The following RXRA variants were observed in gnomAD, a reference collection of about 807,000 sequenced individuals.
The protein encoded by RXRA is retinoid X receptor alpha, also known as retinoic acid receptor RXR-alpha.
RXRA carries 5 observed loss-of-function variants against 44.5 expected under a neutral mutation model. That is an observed-to-expected ratio of 0.11 (90% confidence interval 0.06 to 0.24). RXRA has a LOEUF of 0.24. Among genes scored for constraint, RXRA ranks in the 10% least tolerant of loss-of-function variants. The pLI, the probability that RXRA is intolerant of heterozygous loss-of-function variation, is 1.00. For synonymous variants in RXRA, 291 were observed against 271.4 expected (o/e 1.07, Z -0.71); for missense variants, 412 against 646.5 (o/e 0.64, Z 3.93).
At chr9:134,429,574 C>T (rs968702974) in intron 7 of RXRA, among the ~76,000 whole-genome samples, 2 of 152,302 alleles carry the variant, frequency 1.3e-5, no homozygotes, top group South Asian at 4.1e-4. Flanking sequence ...AGTGTCAATT[C>T]CAGTTGGCAT....
intron 1 of RXRA, among the ~76,000 whole-genome samples, chr9:134,384,570 A>G (rs1830691736): frequency 6.6e-6 from 1 of 152,100 alleles, no homozygotes; most frequent in South Asian, 2.1e-4. Context: ...TGGGCCCCTC[A>G]GCCGGTGGAG....
chr9:134,422,890 G>T, intron 6 of RXRA: 3 of 985,488 alleles, frequency 3.0e-6, no homozygotes, highest in Non-Finnish European at 3.6e-6. Flanking sequence ...AGAGCCACGT[G>T]CTCTCTGCCC....
At chr9:134,409,378 G>C (rs574658596) in intron 4 of RXRA, among the ~76,000 whole-genome samples, 2 of 152,202 alleles carry the variant, frequency 1.3e-5, no homozygotes, top group Non-Finnish European at 2.9e-5. Flanking sequence ...AGACCCTCAG[G>C]TGGCACTGCT....
chr9:134,390,030 C>T (rs1002887821), intron 1 of RXRA, among the ~76,000 whole-genome samples: 10 of 152,178 alleles, frequency 6.6e-5, no homozygotes, highest in South Asian at 2.1e-4. Flanking sequence ...GGGGACACAG[C>T]GAGGCCTTGG....
rs1830113795 is a variant in RXRA, at chr9:134,343,603, G to A, written c.28+16944G>A. Among the ~76,000 whole-genome samples, 1 of 152,114 alleles carries A rather than the reference G, an allele frequency of 6.6e-6. No individual in the cohort carries two copies. Among genetic ancestry groups the A allele is most frequent in the African/African-American group, 2.4e-5 (1 of 41,410 alleles). On this transcript the variant is annotated intron_variant, in intron 1 of 9. Coordinates refer to ENST00000481739, the MANE Select transcript of RXRA (RefSeq NM_002957.6). The surrounding 1 kb of genome is among the most constrained non-coding windows in gnomAD (Gnocchi z 4.1). ...GGGCCAGGAAGCGAGACCAGTCACT[G>A]GGTGCAACCTTGACATAGGCTTGAG...
chr9:134,408,309 C>A lies in RXRA; in HGVS notation c.430+10C>A, dbSNP rs1169314935. The stretch of plus-strand genomic sequence containing the variant: ...GGGGACCGCTCCTCAGGTACCGCTG[C>A]TGTGGGGGCCAGGGGCTGGTGGGAC... On this transcript the variant is annotated intron_variant, in intron 3 of 9. Transcript: ENST00000481739. 5.6e-6 allele frequency: 9 copies of A among 1,593,362 alleles called. No individual in the cohort carries two copies. The highest frequency in any genetic ancestry group is 7.7e-6 in the Non-Finnish European group (9 of 1,170,466).
chr9:134,427,801 A>C (rs1359297816), intron 6 of RXRA, among the ~76,000 whole-genome samples: 2 of 152,234 alleles, frequency 1.3e-5, no homozygotes, highest in Non-Finnish European at 2.9e-5. Context: ...TCTGTAAAAC[A>C]AAGTTAATGC....
chr9:134,408,379 C>T, intron 3 of RXRA, 80 bp downstream of exon 3: 10 of 1,440,062 alleles, frequency 6.9e-6, no homozygotes, highest in Non-Finnish European at 9.3e-6. Context: ...CCCCAAATCA[C>T]CCTCCTGTGG....
chr9:134,433,122 C>T lies in RXRA; in HGVS notation c.1136-980C>T, dbSNP rs370505895. On this transcript the variant is annotated intron_variant, in intron 8 of 9. Coordinates refer to ENST00000481739, the MANE Select transcript of RXRA (RefSeq NM_002957.6). This position sits in a 1 kb window ranked among gnomAD's most constrained non-coding sequence, Gnocchi z 4.2. ...TCAGACCTGGCTCTGAGGGACCGGG[C>T]CGGGATGGAGATGGGCATCTTCTTG... Among the ~76,000 whole-genome samples, 10 of 152,078 alleles carry T rather than the reference C, an allele frequency of 6.6e-5. 1 individual carries two copies. In the East Asian group the frequency reaches 1.4e-3, roughly 21 times the overall value.
Position 134,417,064 on chromosome 9 carries a change from G to A in RXRA, c.611-94G>A. 6 of 1,361,700 alleles carry A rather than the reference G, an allele frequency of 4.4e-6. No homozygotes were observed. The South Asian group carries it at 8.2e-5, about 19-fold the overall frequency. The allele number at this position is 1,361,700 out of a possible 1,614,324, so 84.4% of individuals were successfully genotyped here. A position where few individuals can be genotyped will look rare whatever the true frequency, so the allele number is the denominator to read the frequency against. ...GGGATGCTGGTGTTGTGGGTGAGTT[G>A]GCTGGGAGCTGGCACCACCCGGCCA... On this transcript the variant is annotated intron_variant, in intron 4 of 9. Coordinates refer to ENST00000481739, the MANE Select transcript of RXRA (RefSeq NM_002957.6). This position sits in a 1 kb window ranked among gnomAD's most constrained non-coding sequence, Gnocchi z 6.1.
chr9:134,408,434 G>A, intron 3 of RXRA, 135 bp downstream of exon 3: 1 of 926,562 alleles, frequency 1.1e-6, no homozygotes, highest in East Asian at 3.0e-5. Flanking sequence ...CAGGTGCCTG[G>A]GCCATGCCCC....
At chr9:134,386,218 C>T (rs568239281) in intron 1 of RXRA, among the ~76,000 whole-genome samples, 6 of 152,366 alleles carry the variant, frequency 3.9e-5, no homozygotes, top group South Asian at 4.1e-4. Flanking sequence ...CCCGCTCAGC[C>T]GCCGCGCTGC....
At chr9:134,430,295 T>G (rs1463816359) in intron 7 of RXRA, among the ~76,000 whole-genome samples, 1 of 152,126 alleles carries the variant, frequency 6.6e-6, no homozygotes, top group African/African-American at 2.4e-5. Context: ...GGAGGGGCAC[T>G]GCGGGGTCCC....
At position 134,436,756 on chromosome 9, in the gene RXRA, TAA is replaced by T. The variant is rs1831629607; in HGVS notation, c.*143_*144del. The T allele has an allele frequency of 1.2e-6, 1 of 869,526 alleles. No homozygotes were observed. Among genetic ancestry groups the T allele is most frequent in the African/African-American group, 1.7e-5 (1 of 59,092 alleles). The allele number at this position is 869,526 out of a possible 1,614,324, so 53.9% of individuals were successfully genotyped here. A position where few individuals can be genotyped will look rare whatever the true frequency, so the allele number is the denominator to read the frequency against. On this transcript the variant is annotated 3_prime_UTR_variant, in exon 10 of 10. Coordinates refer to ENST00000481739, the MANE Select transcript of RXRA (RefSeq NM_002957.6). The stretch of plus-strand genomic sequence containing the variant: ...GGGCACAGCCTGTCACTGCTCTGCC[TAA>T]GAGATGTGTTGTCACCCTCCTTATT...
In RXRA at chr9:134,426,171, G is replaced by T; in HGVS notation, c.911-2937G>T. On this transcript the variant is annotated intron_variant, in intron 6 of 9. Coordinates refer to ENST00000481739, the MANE Select transcript of RXRA (RefSeq NM_002957.6). The surrounding 1 kb of genome is among the most constrained non-coding windows in gnomAD (Gnocchi z 4.6). ...GGCAAGACTCTTTGTCCTGCGCTTG[G>T]AGCCTGGAGTAAGACCTGGTATCCT... 1.0e-6 allele frequency: 1 copy of T among 985,414 alleles called. No homozygotes were observed. Among genetic ancestry groups the T allele is most frequent in the Non-Finnish European group, 1.2e-6 (1 of 829,926 alleles). The allele number at this position is 985,414 out of a possible 1,614,324, so 61.0% of individuals were successfully genotyped here. A position where few individuals can be genotyped will look rare whatever the true frequency, so the allele number is the denominator to read the frequency against.
chr9:134,438,247 A>G lies in RXRA; in HGVS notation c.*1633A>G, dbSNP rs923650782. Reference sequence around the variant, plus strand: ...TCCATAGTCTTTCCCCACCTGGAGCAGGGGCTTCCTCAGTGGTGAGGGGAG... The same window carrying G: ...TCCATAGTCTTTCCCCACCTGGAGCGGGGGCTTCCTCAGTGGTGAGGGGAG... On this transcript the variant is annotated 3_prime_UTR_variant, in exon 10 of 10. Transcript: ENST00000481739. 4.6e-5 allele frequency: 7 copies of G among 152,290 alleles called. No individual in the cohort carries two copies. Among genetic ancestry groups the G allele is most frequent in the African/African-American group, 1.7e-4 (7 of 41,434 alleles). The allele number at this position is 152,290 out of a possible 1,614,324, so 9.4% of individuals were successfully genotyped here.
chr9:134,382,897 C>T (rs901433168), intron 1 of RXRA, among the ~76,000 whole-genome samples: 6 of 152,150 alleles, frequency 3.9e-5, no homozygotes, highest in Non-Finnish European at 7.4e-5. Flanking sequence ...CAGCACCTGT[C>T]GAGTTCTTGG....
In RXRA at chr9:134,371,441, C is replaced by T. The variant is rs372813648; in HGVS notation, c.29-30191C>T. On this transcript the variant is annotated intron_variant, in intron 1 of 9. Coordinates refer to ENST00000481739, the MANE Select transcript of RXRA (RefSeq NM_002957.6). ...TGGGTATGGGGCTTGGCGGGGCTGC[C>T]GTGTGTCCAGCGAGAGCCAGCTGGG... is the stretch of plus-strand genomic sequence containing the variant. Among the ~76,000 whole-genome samples the T allele has an allele frequency of 1.4e-3, 217 of 152,298 alleles. 1 individual carries two copies. Among genetic ancestry groups the T allele is most frequent in the South Asian group, 7.2e-3 (35 of 4,830 alleles).
intron 1 of RXRA, among the ~76,000 whole-genome samples, chr9:134,348,946 A>G (rs1256251523): frequency 6.6e-6 from 1 of 152,196 alleles, no homozygotes; most frequent in Non-Finnish European, 1.5e-5. Context: ...GTACCACCTG[A>G]GTGCCAACCG....
Sources: allele counts gnomAD v4.1 joint callset (sites outside exome capture counted in the v4.1 genomes callset), GRCh38; gene constraint gnomAD v4.1.1; non-coding constraint Gnocchi (gnomAD v3.1); transcripts MANE v1.5; gene names NCBI Gene and HGNC (gene_info 2026-07-23, HGNC 2026-07-21).